RYR2: variants seen among roughly 807,000 people sequenced by gnomAD.
The protein encoded by RYR2 is ryanodine receptor 2, also known as cardiac muscle ryanodine receptor-calcium release channel.
Under a neutral mutation model 601.1 loss-of-function variants are expected in RYR2, and 227 were observed. That is an observed-to-expected ratio of 0.38 (90% CI 0.34 to 0.42). The LOEUF is 0.42. Ranked by LOEUF, RYR2 falls within the 10% of genes least tolerant of loss-of-function variation. RYR2 has a pLI of 1.00. For synonymous variants in RYR2, 2,223 were observed against 2,175.1 expected (o/e 1.02, Z -0.61); for missense variants, 4,646 against 6,156.5 (o/e 0.75, Z 8.21).
rs1683410892 is a variant in RYR2, at chr1:237,657,927, C to T, written c.8130-17C>T. ...TTCTGTGAAAATCAAGCTCTTTTGTCTTTACTTTTCTCATAGTATTACAAT... is the reference window on the plus strand; with the variant it reads ...TTCTGTGAAAATCAAGCTCTTTTGTTTTTACTTTTCTCATAGTATTACAAT... On this transcript the variant is annotated splice_polypyrimidine_tract_variant and intron_variant, in intron 53 of 104. Transcript: ENST00000366574. 1 of 1,376,854 alleles carries T rather than the reference C, an allele frequency of 7.3e-7. No homozygotes were observed. The highest frequency in any genetic ancestry group is 2.3e-5 in the Admixed American group (1 of 42,834). The allele number at this position is 1,376,854 out of a possible 1,614,324, so 85.3% of individuals were successfully genotyped here.
At chr1:237,516,135 G>A (rs1462107797) in intron 24 of RYR2, among the ~76,000 whole-genome samples, 2 of 151,838 alleles carry the variant, frequency 1.3e-5, no homozygotes, top group East Asian at 3.9e-4. Flanking sequence ...TTGTTTGAAG[G>A]AGTCTCGCTC....
At chr1:237,062,356 C>T (rs1662986146) in intron 1 of RYR2, among the ~76,000 whole-genome samples, 1 of 152,160 alleles carries the variant, frequency 6.6e-6, no homozygotes, top group Admixed American at 6.5e-5. Flanking sequence ...TTAAGACTCC[C>T]AATCTATGAA....
At chr1:237,497,250 G>A (rs922195425) in intron 20 of RYR2, among the ~76,000 whole-genome samples, 1 of 152,016 alleles carries the variant, frequency 6.6e-6, no homozygotes, top group African/African-American at 2.4e-5. Context: ...TGTGGTATGA[G>A]GACTCAGATC....
intron 27 of RYR2, among the ~76,000 whole-genome samples, chr1:237,565,165 T>TTCTTTCTTTC: frequency 4.0e-5 from 1 of 24,818 alleles, no homozygotes. Flanking sequence ...TTCTCTTTCT[T>TTCTTTCTTTC]TCTTTCTTTC....
chr1:237,085,448 G>T (rs148224108), intron 1 of RYR2, among the ~76,000 whole-genome samples: 1 of 152,112 alleles, frequency 6.6e-6, no homozygotes, highest in African/African-American at 2.4e-5. Context: ...AACTTGCTCC[G>T]CATGTGTTAA....
At chr1:237,439,758 C>T (rs113035458) in intron 12 of RYR2, among the ~76,000 whole-genome samples, 11 of 151,912 alleles carry the variant, frequency 7.2e-5, no homozygotes, top group African/African-American at 1.7e-4. Context: ...TTAATGTTTA[C>T]GTGACTTCTT....
At chr1:237,098,759 A>G (rs1667752482) in intron 1 of RYR2, among the ~76,000 whole-genome samples, 2 of 152,186 alleles carry the variant, frequency 1.3e-5, no homozygotes, top group Admixed American at 6.5e-5. Flanking sequence ...GGTGTTTTCC[A>G]GGAACGTGGT....
intron 35 of RYR2, among the ~76,000 whole-genome samples, chr1:237,604,573 G>A (rs942018788): frequency 1.6e-4 from 25 of 152,058 alleles, no homozygotes; most frequent in Non-Finnish European, 2.9e-4. Context: ...ACTAAGATCC[G>A]AGCAGAACTG....
At chr1:237,670,354 G>A (rs1684823299) in intron 58 of RYR2, among the ~76,000 whole-genome samples, 1 of 151,360 alleles carries the variant, frequency 6.6e-6, no homozygotes, top group South Asian at 2.1e-4. Flanking sequence ...GAGGGAGAGG[G>A]AGAGGGAGAA....
chr1:237,736,327 G>A (rs1055065236), intron 79 of RYR2, among the ~76,000 whole-genome samples: 1 of 151,976 alleles, frequency 6.6e-6, no homozygotes, highest in African/African-American at 2.4e-5. Context: ...CAGGCACGGT[G>A]GTGCACACCT....
At position 237,344,163 on chromosome 1, in the gene RYR2, A is replaced by G. The variant is rs1355073247; in HGVS notation, c.274-11802A>G. ...TAGTTCCTCGGGAAACTATTCAAGC[A>G]TTGGTTAGGAAGAAATATGTGCAGC... On this transcript the variant is annotated intron_variant, in intron 3 of 104. Coordinates refer to ENST00000366574, the MANE Select transcript of RYR2 (RefSeq NM_001035.3). Among the ~76,000 whole-genome samples the G allele has an allele frequency of 2.6e-5, 4 of 152,196 alleles. No individual in the cohort carries two copies. The South Asian group carries it at 6.2e-4, about 24-fold the overall frequency.
Position 237,643,311 on chromosome 1 carries a change from T to A in RYR2, c.7222-16T>A, listed in dbSNP as rs1213319134. On this transcript the variant is annotated splice_polypyrimidine_tract_variant and intron_variant, in intron 47 of 104. Transcript: ENST00000366574. ...TGTCACAAAGTTGTTCTAATGTTTT[T>A]TTTTCCCCTGTATAGTTGATTCATG... 6.2e-7 allele frequency: 1 copy of A among 1,607,550 alleles called. No individual in the cohort carries two copies. The highest frequency in any genetic ancestry group is 2.2e-5 in the East Asian group (1 of 44,744).
chr1:237,376,511 A>AATG (rs1050344313), intron 7 of RYR2, among the ~76,000 whole-genome samples: 85 of 152,316 alleles, frequency 5.6e-4, no homozygotes, highest in African/African-American at 2.0e-3. Flanking sequence ...AAGAATGGTA[A>AATG]ATGATGACGG....
At chr1:237,167,389 T>C (rs894321443) in intron 1 of RYR2, among the ~76,000 whole-genome samples, 7 of 152,230 alleles carry the variant, frequency 4.6e-5, no homozygotes, top group Non-Finnish European at 1.0e-4. Flanking sequence ...CCCACTCTTC[T>C]TAGAGGGCCA....
chr1:237,541,924 T>A (rs1669315820), intron 25 of RYR2, among the ~76,000 whole-genome samples: 1 of 152,048 alleles, frequency 6.6e-6, no homozygotes, highest in African/African-American at 2.4e-5. Flanking sequence ...GGCAGGGCAT[T>A]TTCACTTCTT....
chr1:237,098,667 A>T (rs1667744501), intron 1 of RYR2, among the ~76,000 whole-genome samples: 1 of 152,212 alleles, frequency 6.6e-6, no homozygotes, highest in African/African-American at 2.4e-5. Context: ...AAGTGGAATG[A>T]GTCACACACA....
intron 12 of RYR2, among the ~76,000 whole-genome samples, chr1:237,439,695 A>G (rs990322576): frequency 6.6e-6 from 1 of 152,172 alleles, no homozygotes; most frequent in Non-Finnish European, 1.5e-5. Flanking sequence ...CTTCTAATCC[A>G]GAGACGGATG....
intron 1 of RYR2, among the ~76,000 whole-genome samples, chr1:237,266,906 C>A (rs1266724328): frequency 6.6e-6 from 1 of 152,162 alleles, no homozygotes; most frequent in Non-Finnish European, 1.5e-5. Flanking sequence ...TATAGCCTCT[C>A]TCCTTGGTGG....
intron 16 of RYR2, among the ~76,000 whole-genome samples, chr1:237,457,011 T>C (rs1191757767): frequency 6.6e-6 from 1 of 152,178 alleles, no homozygotes; most frequent in Non-Finnish European, 1.5e-5. Flanking sequence ...TAATTTTTAA[T>C]TTACTGTGCC....
Sources: gnomAD v4.1 joint callset for allele counts (sites outside exome capture counted in the v4.1 genomes callset) on GRCh38, gnomAD v4.1.1 for gene constraint, MANE v1.5 for transcripts, NCBI Gene and HGNC (gene_info 2026-07-23, HGNC 2026-07-21) for gene names.